Variants in CNTN4 observed in about 807,000 individuals in gnomAD.
The protein encoded by CNTN4 is contactin-4.
CNTN4 carries 77 observed loss-of-function variants against 122.5 expected under a neutral mutation model. The observed-to-expected ratio is 0.63, with a 90% confidence interval of 0.52 to 0.76. CNTN4 has a LOEUF of 0.76. Among genes scored for constraint, CNTN4 ranks in the 30% least tolerant of loss-of-function variants. The pLI is 0.00. For synonymous variants in CNTN4, 512 were observed against 447.0 expected, an observed-to-expected ratio of 1.15 and a Z score of -1.83; for missense variants, 1,256 against 1,259.1, an observed-to-expected ratio of 1.00 and a Z score of 0.04.
chr3:2,763,175 G>A (rs2090676227), intron 6 of CNTN4, among the ~76,000 whole-genome samples: 1 of 152,054 alleles, frequency 6.6e-6, no homozygotes, highest in African/African-American at 2.4e-5. Context: ...TCGATCTCCT[G>A]ACCTCGTGAT....
chr3:2,918,119 T>C (rs1260376660), intron 12 of CNTN4, among the ~76,000 whole-genome samples: 1 of 152,202 alleles, frequency 6.6e-6, no homozygotes, highest in South Asian at 2.1e-4. Flanking sequence ...CAAAACTGTT[T>C]CTGGTGCTTT....
intron 2 of CNTN4, among the ~76,000 whole-genome samples, chr3:2,105,489 A>G (rs756667786): frequency 6.6e-6 from 1 of 152,162 alleles, no homozygotes; most frequent in Non-Finnish European, 1.5e-5. Context: ...AAGGCACGAG[A>G]GAAGCAAAGG....
At chr3:2,130,376 A>G (rs944480112) in intron 2 of CNTN4, among the ~76,000 whole-genome samples, 3 of 152,152 alleles carry the variant, frequency 2.0e-5, no homozygotes, top group Non-Finnish European at 2.9e-5. Context: ...CTGATTCACT[A>G]TGAGTAAGAG....
Position 2,495,261 on chromosome 3 carries a change from TC to T in CNTN4, c.-88-76152del, listed in dbSNP as rs750426108. The stretch of plus-strand genomic sequence containing the variant: ...AAATTGCCAAGTAGGAAATAATATT[TC>T]CCTTTTCTAATTTCCCATAATACTT... On this transcript the variant is annotated intron_variant, in intron 3 of 24. Coordinates refer to ENST00000418658, the MANE Select transcript of CNTN4 (RefSeq NM_175607.3). 3.3e-5 allele frequency among the ~76,000 whole-genome samples: 5 copies of T among 152,226 alleles called. No homozygotes were observed. In the South Asian group the frequency reaches 1.0e-3, roughly 31 times the overall value.
intron 4 of CNTN4, among the ~76,000 whole-genome samples, chr3:2,597,088 G>A (rs577638719): frequency 1.3e-5 from 2 of 152,070 alleles, no homozygotes; most frequent in Non-Finnish European, 2.9e-5. Flanking sequence ...GTAAGACCAG[G>A]TCACCCAAAC....
chr3:2,792,576 T>C (rs913130035), intron 6 of CNTN4, among the ~76,000 whole-genome samples: 1 of 152,256 alleles, frequency 6.6e-6, no homozygotes, highest in African/African-American at 2.4e-5. Context: ...AATTAGCAAA[T>C]GCACTCAGAT....
intron 13 of CNTN4, among the ~76,000 whole-genome samples, chr3:2,971,692 G>A (rs1210952078): frequency 6.6e-6 from 1 of 152,116 alleles, no homozygotes; most frequent in Non-Finnish European, 1.5e-5. Flanking sequence ...TTTCCTAAAA[G>A]GAATATGGTT....
intron 2 of CNTN4, among the ~76,000 whole-genome samples, chr3:2,132,617 C>T (rs1337949480): frequency 6.6e-6 from 1 of 152,110 alleles, no homozygotes; most frequent in Non-Finnish European, 1.5e-5. Context: ...ACTCTCTGGA[C>T]AGGGATGGAG....
At chr3:2,214,542 G>T (rs994597806) in intron 2 of CNTN4, among the ~76,000 whole-genome samples, 7 of 152,096 alleles carry the variant, frequency 4.6e-5, no homozygotes, top group Non-Finnish European at 1.0e-4. Context: ...CAGTTTCTCA[G>T]ATTGAAGGAG....
chr3:2,789,696 G>T (rs112180120), intron 6 of CNTN4, among the ~76,000 whole-genome samples: 4 of 152,188 alleles, frequency 2.6e-5, no homozygotes. Context: ...CTCCCAAAGT[G>T]CTATGATGGC....
intron 2 of CNTN4, among the ~76,000 whole-genome samples, chr3:2,151,088 CTAATTTTTGTATTTTTAGTAGAG>C (rs1200628003): frequency 6.6e-6 from 1 of 151,972 alleles, no homozygotes; most frequent in Non-Finnish European, 1.5e-5. Flanking sequence ...TTTTAGACAG[CTAATTTTTGTATTTTTAGTAGAG>C]ATGGGGTTTT....
chr3:3,018,486 A>C (rs1361796256), intron 14 of CNTN4, among the ~76,000 whole-genome samples: 3 of 152,132 alleles, frequency 2.0e-5, no homozygotes, highest in Non-Finnish European at 4.4e-5. Context: ...AATCACAGTG[A>C]GTGAGGATGC....
rs770712694 is a variant in CNTN4, at chr3:2,736,258, T to C, written c.99T>C (p.Ser33=). 4 of 1,613,532 alleles carry C rather than the reference T, an allele frequency of 2.5e-6. No homozygotes were observed. The highest frequency in any genetic ancestry group is 3.4e-6 in the Non-Finnish European group (4 of 1,179,712). Residue 33 remains serine, a synonymous_variant, in exon 5 of 25, where the codon AGT becomes AGC. Transcript: ENST00000418658. The part of the protein sequence containing the change: ...LHGPIFIQEP[S]PVMFPLDSEE... The stretch of plus-strand genomic sequence containing the variant: ...GCCCGATTTTTATTCAAGAACCAAG[T>C]CCTGTAATGTTCCCTTTGGATTCTG...
intron 4 of CNTN4, among the ~76,000 whole-genome samples, chr3:2,606,384 A>G (rs1011628970): frequency 1.3e-5 from 2 of 152,150 alleles, no homozygotes; most frequent in Non-Finnish European, 2.9e-5. Flanking sequence ...CAGCTAACGC[A>G]TGCTCAGCTT....
At chr3:2,749,169 T>A (rs1440602186) in intron 6 of CNTN4, among the ~76,000 whole-genome samples, 1 of 152,114 alleles carries the variant, frequency 6.6e-6, no homozygotes, top group African/African-American at 2.4e-5. Flanking sequence ...AATTTTTTGT[T>A]TTTTTATTTT....
At chr3:2,463,604 C>G (rs930364406) in intron 3 of CNTN4, among the ~76,000 whole-genome samples, 1 of 151,932 alleles carries the variant, frequency 6.6e-6, no homozygotes, top group Non-Finnish European at 1.5e-5. Flanking sequence ...TACTAAAATA[C>G]AAAAATCAGC....
At chr3:2,268,501 A>T (rs1046967985) in intron 2 of CNTN4, among the ~76,000 whole-genome samples, 2 of 150,774 alleles carry the variant, frequency 1.3e-5, no homozygotes, top group Non-Finnish European at 2.9e-5. Context: ...TTCTTTTATT[A>T]TATTAATAGT....
At chr3:3,030,791 A>C in intron 15 of CNTN4, 64 bp from the exon 16 acceptor site, 1 of 1,560,286 alleles carries the variant, frequency 6.4e-7, no homozygotes, top group Non-Finnish European at 8.8e-7. Context: ...CGTGTCCTTC[A>C]TGTGATAATG....
intron 13 of CNTN4, among the ~76,000 whole-genome samples, chr3:2,935,416 T>G (rs2094559209): frequency 6.6e-6 from 1 of 152,200 alleles, no homozygotes; most frequent in Non-Finnish European, 1.5e-5. Context: ...TCCCCTGGTT[T>G]TCAGGCCTTA....
Sources: gnomAD v4.1 joint callset for allele counts (sites outside exome capture counted in the v4.1 genomes callset) on GRCh38, gnomAD v4.1.1 for gene constraint, MANE v1.5 for transcripts, NCBI Gene and HGNC (gene_info 2026-07-23, HGNC 2026-07-21) for gene names.